DLL3: variants seen among roughly 807,000 people sequenced by gnomAD.
DLL3 encodes the protein delta-like protein 3.
Under a neutral mutation model 55.0 loss-of-function variants are expected in DLL3, and 49 were observed. That is an observed-to-expected ratio of 0.89 (90% CI 0.71 to 1.13). The LOEUF is 1.13. DLL3 is among the 50% of genes most tolerant of loss of function. The pLI is 0.00. For synonymous variants in DLL3, 421 were observed against 385.2 expected, an observed-to-expected ratio of 1.09 and a Z score of -1.09; for missense variants, 962 against 875.5, an observed-to-expected ratio of 1.10 and a Z score of -1.25.
chr19:39,506,028 T>C (rs1236533979), intron 6 of DLL3, among the ~76,000 whole-genome samples: 2 of 151,868 alleles, frequency 1.3e-5, no homozygotes, highest in Admixed American at 1.3e-4. Flanking sequence ...CCGGGCCACA[T>C]GGTGAAACCC....
chr19:39,499,580 G>T, intron 2 of DLL3, 107 bp downstream of exon 2: 1 of 1,431,252 alleles, frequency 7.0e-7, no homozygotes, highest in Middle Eastern at 1.8e-4. Flanking sequence ...CTGCCTCCCA[G>T]GGGGTGGACG....
At chr19:39,505,897 A>G (rs2079637702) in intron 6 of DLL3, among the ~76,000 whole-genome samples, 2 of 152,238 alleles carry the variant, frequency 1.3e-5, no homozygotes, top group African/African-American at 4.8e-5. Flanking sequence ...AGGAGAGAAG[A>G]GACCTGATAT....
intron 6 of DLL3, 152 bp from the exon 7 acceptor site, chr19:39,506,887 C>G (rs1353246805): frequency 1.4e-6 from 1 of 708,324 alleles, no homozygotes; most frequent in Non-Finnish European, 2.2e-6. Flanking sequence ...GGAAGAAAAG[C>G]GAGCTGGCTT....
chr19:39,503,996 C>T, intron 4 of DLL3, 75 bp from the exon 5 acceptor site: 1 of 1,472,106 alleles, frequency 6.8e-7, no homozygotes. Flanking sequence ...TCAGAAACCT[C>T]CCTGCTTTCC....
At chr19:39,499,135 C>T (rs11574519) in intron 1 of DLL3, 57 bp from the exon 2 acceptor site, 33 of 1,608,890 alleles carry the variant, frequency 2.1e-5, no homozygotes, top group South Asian at 1.1e-5. Flanking sequence ...GAGCGTGGGG[C>T]GGACGGGAAG....
intron 1 of DLL3, 74 bp downstream of exon 1, chr19:39,499,117 T>C: frequency 6.2e-7 from 1 of 1,612,530 alleles, no homozygotes; most frequent in South Asian, 1.1e-5. Flanking sequence ...CTGAAGGTCC[T>C]GGGGAAGGAG....
intron 4 of DLL3, 58 bp downstream of exon 4, chr19:39,503,115 C>T: frequency 6.7e-7 from 1 of 1,490,404 alleles, no homozygotes; most frequent in Non-Finnish European, 8.9e-7. Flanking sequence ...CCCTCCTGAG[C>T]GTCACTCGCG....
chr19:39,504,282 C>G lies in DLL3; in HGVS notation c.864C>G (p.Ser288Arg). 1 of 1,612,398 alleles carries G rather than the reference C, an allele frequency of 6.2e-7. No individual in the cohort carries two copies. The highest frequency in any genetic ancestry group is 8.5e-7 in the Non-Finnish European group (1 of 1,180,026). Residue 288 changes from serine (S) to arginine (R), a missense_variant, in exon 5 of 9, where the codon AGC becomes AGG. Transcript: ENST00000356433. ...GGAACCCGTGTGCCAATGGAGGCAGCTGTAGTGTCAGTGTCACCCTTCCCA... is the reference window on the plus strand; with the variant it reads ...GGAACCCGTGTGCCAATGGAGGCAGGTGTAGTGTCAGTGTCACCCTTCCCA... ...CDGNPCANGGSCSETPRSFEC... is the reference protein window; with the variant it reads ...CDGNPCANGGRCSETPRSFEC...
At position 39,499,403 on chromosome 19, in the gene DLL3, C is replaced by T. The variant is rs752316852; in HGVS notation, c.281C>T (p.Pro94Leu). The part of the protein sequence containing the change: ...SARGPVYTEQ[P>L]GAPAPDLPLP... ...CGCGGACCGGTCTACACCGAGCAGC[C>T]CGGAGCGCCCGCGCCTGATCTCCCA... Residue 94 changes from proline (P) to leucine (L), a missense_variant, in exon 2 of 9, where the codon CCC becomes CTC. Pro to Leu is a moderately conservative substitution (Grantham distance 98). Coordinates refer to ENST00000356433, the MANE Select transcript of DLL3 (RefSeq NM_203486.3). 7 of 1,582,778 alleles carry T rather than the reference C, an allele frequency of 4.4e-6. No individual in the cohort carries two copies. Among genetic ancestry groups the T allele is most frequent in the Non-Finnish European group, 6.0e-6 (7 of 1,172,208 alleles).
In DLL3 at chr19:39,507,169, G is replaced by GGGCGGCGGCGCGCACCGC. The variant is rs2079646386; in HGVS notation, c.1225_1242dup (p.Gly409_Arg414dup). 1 of 1,372,908 alleles carries GGGCGGCGGCGCGCACCGC rather than the reference G, an allele frequency of 7.3e-7. No individual in the cohort carries two copies. Among genetic ancestry groups the GGGCGGCGGCGCGCACCGC allele is most frequent in the Non-Finnish European group, 9.3e-7 (1 of 1,072,242 alleles). The allele number at this position is 1,372,908 out of a possible 1,614,324, so 85.0% of individuals were successfully genotyped here. A position where few individuals can be genotyped will look rare whatever the true frequency, so the allele number is the denominator to read the frequency against. On this transcript the variant is annotated inframe_insertion, in exon 7 of 9. Coordinates refer to ENST00000356433, the MANE Select transcript of DLL3 (RefSeq NM_203486.3). ...GCGCTAACGGCGGCACGTGTGTGGA[G>GGGCGGCGGCGCGCACCGC]GGCGGCGGCGCGCACCGCTGCTCCT...
intron 6 of DLL3, chr19:39,505,746 G>A: frequency 2.4e-6 from 1 of 412,996 alleles, no homozygotes; most frequent in South Asian, 2.5e-5. Flanking sequence ...GGTGTGCTGA[G>A]GATAAGCAGG....
rs754000867 is a variant in DLL3, at chr19:39,507,987, C to G, written c.1758+73C>G. On this transcript the variant is annotated intron_variant, in intron 8 of 8. Transcript: ENST00000356433. Reference sequence around the variant, plus strand: ...GAGGCAGCACCTGCTTTTTCCCTACCCTTCCTCGATTCTGTCCGTGAAATG... The same window carrying G: ...GAGGCAGCACCTGCTTTTTCCCTACGCTTCCTCGATTCTGTCCGTGAAATG... The G allele has an allele frequency of 1.9e-5, 30 of 1,613,830 alleles. No individual in the cohort carries two copies. Among genetic ancestry groups the G allele is most frequent in the South Asian group, 3.3e-5 (3 of 91,052 alleles).
chr19:39,508,092 C>G, intron 8 of DLL3, 160 bp from the exon 9 acceptor site: 1 of 1,607,304 alleles, frequency 6.2e-7, no homozygotes, highest in Non-Finnish European at 8.5e-7. Flanking sequence ...TCCCTCTTAT[C>G]GTTTTGAGCT....
At position 39,504,282 on chromosome 19, in the gene DLL3, CTGTAGTGTCAG is replaced by C; in HGVS notation, c.868_870+8del. On this transcript the variant is annotated splice_donor_variant and splice_donor_5th_base_variant and coding_sequence_variant and intron_variant, in exon 5 of 9. Transcript: ENST00000356433. LOFTEE classifies it high-confidence loss of function. The stretch of plus-strand genomic sequence containing the variant: ...GGAACCCGTGTGCCAATGGAGGCAG[CTGTAGTGTCAG>C]TGTCACCCTTCCCACCTTGTCCTGC... 1 of 1,612,398 alleles carries C rather than the reference CTGTAGTGTCAG, an allele frequency of 6.2e-7. No homozygotes were observed. Among genetic ancestry groups the C allele is most frequent in the South Asian group, 1.1e-5 (1 of 91,090 alleles).
Position 39,508,404 on chromosome 19 carries a change from AT to A in DLL3, c.*150del. The A allele has an allele frequency of 1.1e-6, 1 of 870,824 alleles. No homozygotes were observed. The allele number at this position is 870,824 out of a possible 1,614,324, so 53.9% of individuals were successfully genotyped here. A position where few individuals can be genotyped will look rare whatever the true frequency, so the allele number is the denominator to read the frequency against. On this transcript the variant is annotated 3_prime_UTR_variant, in exon 9 of 9. Coordinates refer to ENST00000356433, the MANE Select transcript of DLL3 (RefSeq NM_203486.3). ...CTGTTGCAAGTTGTAAATAATGGTT[AT>A]TTATATCCTATTTTTTCTCACCCCA...
intron 6 of DLL3, chr19:39,505,752 G>T: frequency 2.5e-6 from 1 of 405,412 alleles, no homozygotes; most frequent in Admixed American, 3.6e-5. Flanking sequence ...CTGAGGATAA[G>T]CAGGGAAGCC....
intron 6 of DLL3, among the ~76,000 whole-genome samples, chr19:39,506,211 CAAAAAAA>C (rs541216671): frequency 0.011 from 625 of 54,542 alleles, 13 homozygotes; most frequent in Middle Eastern, 0.043. Flanking sequence ...CACTCTGTCT[CAAAAAAA>C]AAAAAAAAAA....
chr19:39,502,812 C>G lies in DLL3; in HGVS notation c.410-3C>G. The stretch of plus-strand genomic sequence containing the variant: ...AGCACCCCTCCTTTGCCTGTCCTCG[C>G]AGGGCCCGCCTGGAGCCTGCTGGCG... On this transcript the variant is annotated splice_region_variant and splice_polypyrimidine_tract_variant and intron_variant, in intron 3 of 8. Transcript: ENST00000356433. 3 of 1,418,258 alleles carry G rather than the reference C, an allele frequency of 2.1e-6. No individual in the cohort carries two copies. Among genetic ancestry groups the G allele is most frequent in the Non-Finnish European group, 2.7e-6 (3 of 1,091,612 alleles). The allele number at this position is 1,418,258 out of a possible 1,614,324, so 87.9% of individuals were successfully genotyped here.
chr19:39,499,196 G>C lies in DLL3; in HGVS notation c.74G>C (p.Arg25Pro). ...ILALIFLPQT[R>P]PAGVFELQIH... ...CTGCGCCCGTCTCCGTCCCAGACAC[G>C]GCCCGCTGGCGTCTTCGAGCTGCAG... The change falls in exon 2 of 9, where the codon CGG (arginine) becomes CCG (proline). Residue 25 changes from arginine to proline, a missense_variant. Physicochemically the swap from Arg to Pro is moderately radical, Grantham distance 103. Transcript: ENST00000356433. The C allele has an allele frequency of 1.9e-6, 3 of 1,577,054 alleles. No homozygotes were observed. The highest frequency in any genetic ancestry group is 2.6e-6 in the Non-Finnish European group (3 of 1,166,534).
Sources: allele counts gnomAD v4.1 joint callset (sites outside exome capture counted in the v4.1 genomes callset), GRCh38; gene constraint gnomAD v4.1.1; transcripts MANE v1.5; gene names NCBI Gene and HGNC (gene_info 2026-07-23, HGNC 2026-07-21).